CTIF: variants seen among roughly 807,000 people sequenced by gnomAD.
CTIF encodes the protein cap binding complex dependent translation initiation factor.
In CTIF, 21 loss-of-function variants were observed where a neutral mutation model predicts 66.0. That is an observed-to-expected ratio of 0.32 (90% CI 0.23 to 0.46). CTIF has a LOEUF of 0.46. CTIF is among the 20% of genes least tolerant of loss of function. The pLI, the probability that CTIF is intolerant of heterozygous loss-of-function variation, is 1.00. For synonymous variants in CTIF, 345 were observed against 326.4 expected (o/e 1.06, Z -0.62); for missense variants, 739 against 812.7 (o/e 0.91, Z 1.10).
chr18:48,645,898 C>T (rs1479923898), intron 3 of CTIF, among the ~76,000 whole-genome samples: 1 of 152,190 alleles, frequency 6.6e-6, no homozygotes, highest in African/African-American at 2.4e-5. Flanking sequence ...CTGTCCCCTG[C>T]CCTTTTCCCC....
chr18:48,619,241 C>T (rs1391350613), intron 1 of CTIF, among the ~76,000 whole-genome samples: 1 of 152,184 alleles, frequency 6.6e-6, no homozygotes, highest in Admixed American at 6.5e-5. Context: ...CCTTTCCCAG[C>T]GATTAAGGCC....
intron 3 of CTIF, among the ~76,000 whole-genome samples, chr18:48,640,998 G>T (rs1568096793): frequency 1.3e-5 from 2 of 152,362 alleles, no homozygotes; most frequent in East Asian, 3.9e-4. Context: ...CTGACCAGCT[G>T]CCGGCAACTG....
At chr18:48,819,100 T>G (rs2068429451) in intron 10 of CTIF, among the ~76,000 whole-genome samples, 1 of 152,174 alleles carries the variant, frequency 6.6e-6, no homozygotes, top group South Asian at 2.1e-4. Flanking sequence ...CTCTCGGGTG[T>G]TTTGTAAACC....
At chr18:48,686,382 T>C (rs2091840167) in intron 6 of CTIF, among the ~76,000 whole-genome samples, 1 of 152,234 alleles carries the variant, frequency 6.6e-6, no homozygotes, top group South Asian at 2.1e-4. Flanking sequence ...TTCTTGACTT[T>C]CAGGCATGAG....
chr18:48,632,589 A>G (rs929368690), intron 2 of CTIF, among the ~76,000 whole-genome samples: 1 of 152,104 alleles, frequency 6.6e-6, no homozygotes, highest in Non-Finnish European at 1.5e-5. Flanking sequence ...CCCTAACAGA[A>G]GCCTTCAACC....
At chr18:48,705,862 C>T (rs569232112) in intron 6 of CTIF, among the ~76,000 whole-genome samples, 2 of 152,274 alleles carry the variant, frequency 1.3e-5, no homozygotes, top group South Asian at 2.1e-4. Flanking sequence ...AAGAAGTCCT[C>T]GGTCCTTCCT....
intron 9 of CTIF, among the ~76,000 whole-genome samples, chr18:48,767,792 T>A (rs181439499): frequency 6.6e-6 from 1 of 152,166 alleles, no homozygotes; most frequent in African/African-American, 2.4e-5. Context: ...GGAGAAACTC[T>A]TCAGAGTTTC....
intron 2 of CTIF, among the ~76,000 whole-genome samples, chr18:48,627,317 T>C (rs1221514311): frequency 6.6e-6 from 1 of 152,192 alleles, no homozygotes; most frequent in Non-Finnish European, 1.5e-5. Context: ...CCATGATCTC[T>C]GTCTCAGTTT....
chr18:48,769,146 T>A (rs1489763571), intron 9 of CTIF, among the ~76,000 whole-genome samples: 1 of 152,106 alleles, frequency 6.6e-6, no homozygotes, highest in Non-Finnish European at 1.5e-5. Context: ...ACCCCCTCCC[T>A]CATTTCTGCA....
At chr18:48,746,507 G>C (rs914315388) in intron 7 of CTIF, among the ~76,000 whole-genome samples, 2 of 151,240 alleles carry the variant, frequency 1.3e-5, no homozygotes, top group African/African-American at 4.9e-5. Flanking sequence ...CACTATGATG[G>C]TGGCACCACC....
intron 1 of CTIF, among the ~76,000 whole-genome samples, chr18:48,572,235 G>A (rs937758967): frequency 1.5e-4 from 23 of 152,058 alleles, no homozygotes; most frequent in Admixed American, 1.2e-3. Context: ...ATGGTACTCT[G>A]TTTTCCTCAA....
chr18:48,842,924 A>C (rs754209533), intron 10 of CTIF, among the ~76,000 whole-genome samples: 4 of 152,146 alleles, frequency 2.6e-5, no homozygotes, highest in African/African-American at 4.8e-5. Flanking sequence ...GACTGGGGGA[A>C]GGGGCTGGAG....
intron 1 of CTIF, among the ~76,000 whole-genome samples, chr18:48,557,338 C>G (rs1599137910): frequency 6.6e-6 from 1 of 152,310 alleles, no homozygotes. Context: ...CCAGCCAGAG[C>G]TTTTGGATGA....
intron 1 of CTIF, among the ~76,000 whole-genome samples, chr18:48,603,106 G>C (rs1401405836): frequency 6.7e-6 from 1 of 148,434 alleles, no homozygotes; most frequent in Non-Finnish European, 1.5e-5. Context: ...TGGGTGGGTG[G>C]GTGAATGGAT....
At chr18:48,757,828 G>A in intron 7 of CTIF, 91 bp from the exon 8 acceptor site, 3 of 1,475,864 alleles carry the variant, frequency 2.0e-6, no homozygotes, top group Middle Eastern at 2.1e-4. Context: ...TATGGACAAG[G>A]CAATGACTTC....
intron 6 of CTIF, among the ~76,000 whole-genome samples, chr18:48,709,354 G>A (rs568288573): frequency 6.6e-6 from 1 of 152,386 alleles, no homozygotes; most frequent in African/African-American, 2.4e-5. Context: ...GCCCCGAGTG[G>A]CCCGGTATGC....
rs72911646 is a variant in CTIF at position 48,723,745 on chromosome 18, G to C, written c.584+12050G>C. Among the ~76,000 whole-genome samples, 263 of 152,320 alleles carry C rather than the reference G, an allele frequency of 1.7e-3. 1 individual carries two copies. Among genetic ancestry groups the C allele is most frequent in the Non-Finnish European group, 2.6e-3 (174 of 68,026 alleles). On this transcript the variant is annotated intron_variant, in intron 7 of 11. Coordinates refer to ENST00000256413, the MANE Select transcript of CTIF (RefSeq NM_014772.3). The stretch of plus-strand genomic sequence containing the variant: ...GCACAGGTTTTAAAAATACCAAGGA[G>C]CTTTCCTCCTGGGTCGGCATTTACC...
At chr18:48,635,113 A>T (rs1203679783) in intron 2 of CTIF, among the ~76,000 whole-genome samples, 7 of 152,058 alleles carry the variant, frequency 4.6e-5, no homozygotes, top group Admixed American at 2.6e-4. Flanking sequence ...GTACACTTCT[A>T]CCCAGCCTAT....
At chr18:48,560,267 CCCAGG>C (rs2089125020) in intron 1 of CTIF, among the ~76,000 whole-genome samples, 1 of 148,110 alleles carries the variant, frequency 6.8e-6, no homozygotes, top group Non-Finnish European at 1.5e-5. Flanking sequence ...CGCTCTGTTG[CCCAGG>C]CCGGAGTGAA....
Sources: allele counts gnomAD v4.1 joint callset (sites outside exome capture counted in the v4.1 genomes callset), GRCh38; gene constraint gnomAD v4.1.1; transcripts MANE v1.5; gene names NCBI Gene and HGNC (gene_info 2026-07-23, HGNC 2026-07-21).